AFG1L: variants seen among roughly 807,000 people sequenced by gnomAD.
AFG1L encodes the protein AFG1 like ATPase.
In AFG1L, 53 loss-of-function variants were observed where a neutral mutation model predicts 62.2. The ratio of observed to expected loss-of-function variants is 0.85; its 90% confidence interval spans 0.68 to 1.07. AFG1L has a LOEUF of 1.07. Ranked by LOEUF, AFG1L falls within the 50% of genes least tolerant of loss-of-function variation. The pLI, the probability that AFG1L is intolerant of heterozygous loss-of-function variation, is 0.00. For synonymous variants in AFG1L, 228 were observed against 210.3 expected, an observed-to-expected ratio of 1.08 and a Z score of -0.73; for missense variants, 555 against 590.5, an observed-to-expected ratio of 0.94 and a Z score of 0.62.
At chr6:108,315,737 A>G (rs1038118128) in intron 1 of AFG1L, among the ~76,000 whole-genome samples, 5 of 152,182 alleles carry the variant, frequency 3.3e-5, no homozygotes, top group African/African-American at 1.2e-4. Context: ...TGCCCAGCCC[A>G]ACAGTTCTTT....
In AFG1L at chr6:108,447,251, A is replaced by G; in HGVS notation, c.845A>G (p.Asp282Gly). 1.9e-6 allele frequency: 3 copies of G among 1,609,630 alleles called. No individual in the cohort carries two copies. The highest frequency in any genetic ancestry group is 2.6e-6 in the Non-Finnish European group (3 of 1,176,182). Residue 282 changes from aspartate to glycine, a missense_variant, in exon 8 of 13, where the codon GAT becomes GGT. By Grantham distance (94) the Asp-to-Gly change is moderately conservative (BLOSUM62 -1). Coordinates refer to ENST00000368977, the MANE Select transcript of AFG1L (RefSeq NM_145315.5). Reference sequence around the variant, plus strand: ...ACAGTCCAGCTAGATTCTGGGATAGATTACCGGAAAAGGGAACTTCCTGCT... The same window carrying G: ...ACAGTCCAGCTAGATTCTGGGATAGGTTACCGGAAAAGGGAACTTCCTGCT... ...CNTVQLDSGI[D>G]YRKRELPAAG... is the part of the protein sequence containing the mutation.
chr6:108,354,085 A>G (rs1219086700), intron 3 of AFG1L, among the ~76,000 whole-genome samples: 1 of 152,170 alleles, frequency 6.6e-6, no homozygotes, highest in Admixed American at 6.5e-5. Context: ...AGACTGGACT[A>G]GCACATGCTA....
chr6:108,491,762 T>C (rs531539659), intron 10 of AFG1L, among the ~76,000 whole-genome samples: 2 of 152,328 alleles, frequency 1.3e-5, no homozygotes, highest in East Asian at 3.9e-4. Flanking sequence ...AGATATTCAG[T>C]CTTGCCCTGA....
At chr6:108,451,562 A>C (rs1471507875) in intron 8 of AFG1L, among the ~76,000 whole-genome samples, 1 of 152,320 alleles carries the variant, frequency 6.6e-6, no homozygotes, top group East Asian at 1.9e-4. Context: ...AATTCAGAGA[A>C]TTTAAATTTA....
At chr6:108,512,234 C>T in intron 11 of AFG1L, among the ~76,000 whole-genome samples, 1 of 152,262 alleles carries the variant, frequency 6.6e-6, no homozygotes, top group Middle Eastern at 3.4e-3. Context: ...AAATGGGTAA[C>T]CAGCATGGGG....
intron 8 of AFG1L, among the ~76,000 whole-genome samples, chr6:108,468,803 C>T (rs1369277932): frequency 6.7e-6 from 1 of 148,874 alleles, no homozygotes; most frequent in Non-Finnish European, 1.5e-5. Context: ...CTGATATGAC[C>T]TCAACTTTTT....
intron 5 of AFG1L, among the ~76,000 whole-genome samples, chr6:108,363,030 G>A (rs1224448880): frequency 1.3e-5 from 2 of 152,140 alleles, no homozygotes; most frequent in African/African-American, 4.8e-5. Context: ...CCTTTAGGTA[G>A]TGTTAATTAA....
rs9386729 is a variant in AFG1L at position 108,490,129 on chromosome 6, A to T, written c.1062+12837A>T. ...TAATCCCAGCACTTTGGGAGGCTGA[A>T]GTGGGTGGATCACAAGGTCAAGAGA... is the stretch of plus-strand genomic sequence containing the variant. On this transcript the variant is annotated intron_variant, in intron 10 of 12. Transcript: ENST00000368977. Among the ~76,000 whole-genome samples the T allele has an allele frequency of 3.3e-5, 5 of 152,244 alleles. No individual in the cohort carries two copies. The East Asian group carries it at 9.7e-4, about 29-fold the overall frequency.
intron 6 of AFG1L, among the ~76,000 whole-genome samples, chr6:108,388,828 T>C (rs1421056049): frequency 6.6e-6 from 1 of 151,950 alleles, no homozygotes; most frequent in Non-Finnish European, 1.5e-5. Flanking sequence ...AGGTGTGGTG[T>C]GGTGCTGAAA....
At chr6:108,488,703 C>CA (rs78193331) in intron 10 of AFG1L, among the ~76,000 whole-genome samples, 2,606 of 132,472 alleles carry the variant, frequency 0.02, 41 homozygotes, top group African/African-American at 0.052. Context: ...ACTGAAATAC[C>CA]AAAAAAAAAA....
At chr6:108,380,237 G>A (rs1317041060) in intron 6 of AFG1L, among the ~76,000 whole-genome samples, 1 of 152,202 alleles carries the variant, frequency 6.6e-6, no homozygotes, top group Admixed American at 6.5e-5. Flanking sequence ...ATCTGCCTAG[G>A]TGTGAAGCAG....
chr6:108,317,709 G>A (rs1000927165), intron 1 of AFG1L, among the ~76,000 whole-genome samples: 5 of 152,106 alleles, frequency 3.3e-5, no homozygotes, highest in Admixed American at 3.3e-4. Context: ...TTGAGAAATG[G>A]TGGGGTTAGC....
chr6:108,355,577 C>A, intron 3 of AFG1L, 77 bp from the exon 4 acceptor site: 1 of 698,400 alleles, frequency 1.4e-6, no homozygotes, highest in South Asian at 2.4e-5. Flanking sequence ...TTCATTATCT[C>A]AAAGCTAATG....
At chr6:108,361,140 C>T (rs937430506) in intron 5 of AFG1L, among the ~76,000 whole-genome samples, 10 of 152,240 alleles carry the variant, frequency 6.6e-5, no homozygotes, top group African/African-American at 1.9e-4. Context: ...GGGTCCCTCA[C>T]ACAGGAAACT....
chr6:108,489,534 G>A (rs1212799267), intron 10 of AFG1L, among the ~76,000 whole-genome samples: 2 of 152,164 alleles, frequency 1.3e-5, no homozygotes, highest in African/African-American at 4.8e-5. Context: ...AAGTTACCAT[G>A]CCCCTCATCA....
At chr6:108,372,577 C>T (rs1426285055) in intron 6 of AFG1L, among the ~76,000 whole-genome samples, 2 of 152,140 alleles carry the variant, frequency 1.3e-5, no homozygotes, top group African/African-American at 4.8e-5. Context: ...ATCCGCCCAC[C>T]TCGGCCTCCC....
At chr6:108,406,902 A>C (rs1035373396) in intron 7 of AFG1L, among the ~76,000 whole-genome samples, 5 of 152,156 alleles carry the variant, frequency 3.3e-5, no homozygotes, top group Non-Finnish European at 7.4e-5. Context: ...TTACTACCAG[A>C]TATAGCTAGA....
intron 10 of AFG1L, among the ~76,000 whole-genome samples, chr6:108,505,105 T>TC (rs1774348434): frequency 1.3e-5 from 2 of 151,292 alleles, no homozygotes; most frequent in Admixed American, 1.3e-4. Flanking sequence ...TTTTCTTTTT[T>TC]TTTTTTTGAG....
intron 7 of AFG1L, among the ~76,000 whole-genome samples, chr6:108,424,586 T>C (rs1304063545): frequency 1.3e-5 from 2 of 151,966 alleles, no homozygotes; most frequent in African/African-American, 4.8e-5. Flanking sequence ...AGACAAAAAA[T>C]GATTATTATA....
Sources: gnomAD v4.1 joint callset for allele counts (sites outside exome capture counted in the v4.1 genomes callset) on GRCh38, gnomAD v4.1.1 for gene constraint, MANE v1.5 for transcripts, NCBI Gene and HGNC (gene_info 2026-07-23, HGNC 2026-07-21) for gene names.